LTBP2: variants seen among roughly 807,000 people sequenced by gnomAD.
LTBP2 encodes the protein latent transforming growth factor beta binding protein 2.
LTBP2 carries 103 observed loss-of-function variants against 210.6 expected under a neutral mutation model. The ratio of observed to expected loss-of-function variants is 0.49; its 90% CI spans 0.42 to 0.58. The LOEUF (loss-of-function observed/expected upper bound fraction) is 0.58, where lower values mean the gene tolerates loss of function less well. Among genes scored for constraint, LTBP2 ranks in the 20% least tolerant of loss-of-function variants. LTBP2 has a pLI of 0.00. For missense variants in LTBP2, 2,313 were observed against 2,494.5 expected, an observed-to-expected ratio of 0.93 and a Z score of 1.55; for synonymous variants, 1,007 against 1,015.0, an observed-to-expected ratio of 0.99 and a Z score of 0.15.
chr14:74,611,760 GC>G lies in LTBP2; in HGVS notation c.184del (p.Ala62GlnfsTer218), dbSNP rs1466877676. 1 of 1,608,126 alleles carries G rather than the reference GC, an allele frequency of 6.2e-7. No individual in the cohort carries two copies. Among genetic ancestry groups the G allele is most frequent in the Admixed American group, 1.7e-5 (1 of 59,950 alleles). The stretch of plus-strand genomic sequence containing the variant: ...ACTGTACACCTTGGCTGCAGCCGCT[GC>G]CGGGTAGCTGCCCCCAGGGCGCCGC... Reference protein sequence around the residue: ...RLRRPGGSYPAAAAAKVYSLF... With the variant: ...RLRRPGGSYPXAAAAKVYSLF... On this transcript the variant is annotated frameshift_variant, in exon 1 of 36. Transcript: ENST00000261978. LOFTEE classifies it high-confidence loss of function.
At chr14:74,504,729 A>G (rs2086959609) in intron 30 of LTBP2, 49 bp downstream of exon 30, 2 of 1,553,716 alleles carry the variant, frequency 1.3e-6, no homozygotes, top group African/African-American at 2.7e-5. Context: ...GGAGCAGGCT[A>G]GGGCCCACTC....
At chr14:74,571,747 G>A (rs910361548) in intron 3 of LTBP2, among the ~76,000 whole-genome samples, 11 of 152,162 alleles carry the variant, frequency 7.2e-5, no homozygotes, top group African/African-American at 2.7e-4. Flanking sequence ...CCTCTGCTGC[G>A]GGCACTCGCG....
chr14:74,525,927 A>C, intron 14 of LTBP2, 148 bp downstream of exon 14: 1 of 833,212 alleles, frequency 1.2e-6, no homozygotes, highest in Non-Finnish European at 2.0e-6. Context: ...GAGCTCCCAG[A>C]AACAGCACTC....
At chr14:74,604,584 C>T (rs1279912926) in intron 1 of LTBP2, among the ~76,000 whole-genome samples, 1 of 148,854 alleles carries the variant, frequency 6.7e-6, no homozygotes, top group Admixed American at 6.7e-5. Context: ...CTCACTATAT[C>T]GCCCAGGCTG....
rs1364023581 is a variant in LTBP2 at position 74,507,211 on chromosome 14, C to A, written c.3875G>T (p.Gly1292Val). The A allele has an allele frequency of 2.5e-6, 4 of 1,614,072 alleles. No individual in the cohort carries two copies. The highest frequency in any genetic ancestry group is 2.7e-5 in the African/African-American group (2 of 74,930). ...SYRCVLGCQP[G>V]FHMAPNGDCI... ...GTCTCCGTTCGGGGCCATGTGGAAG[C>A]CAGGCTGGCAGCCCAGAACACAGCG... is the stretch of plus-strand genomic sequence containing the variant. Residue 1292 changes from glycine to valine, a missense_variant, in exon 26 of 36, where the codon GGC (glycine) becomes GTC (valine). Gly to Val is a moderately radical substitution (Grantham distance 109, BLOSUM62 -3). Transcript: ENST00000261978.
rs528503209 is a variant in LTBP2 at position 74,514,861 on chromosome 14, G to A, written c.2908+1961C>T. On this transcript the variant is annotated intron_variant, in intron 18 of 35. Coordinates refer to ENST00000261978, the MANE Select transcript of LTBP2 (RefSeq NM_000428.3). ...GTGATGGGCCGGGCTTGTGGTTACC[G>A]ATGGAAACCTGGAGAAGTGTGCGGG... Among the ~76,000 whole-genome samples, 272 of 152,296 alleles carry A rather than the reference G, an allele frequency of 1.8e-3. No individual in the cohort carries two copies. In the Middle Eastern group the frequency reaches 0.02, roughly 11 times the overall value.
At chr14:74,562,011 AC>A (rs1390412678) in intron 3 of LTBP2, among the ~76,000 whole-genome samples, 1 of 152,156 alleles carries the variant, frequency 6.6e-6, no homozygotes, top group African/African-American at 2.4e-5. Context: ...GGAGTTTGAG[AC>A]CAGCCTGGCC....
Position 74,499,532 on chromosome 14 carries a change from C to G in LTBP2, c.*1352G>C, listed in dbSNP as rs1338196450. 3 of 229,310 alleles carry G rather than the reference C, an allele frequency of 1.3e-5. No individual in the cohort carries two copies. Among genetic ancestry groups the G allele is most frequent in the South Asian group, 1.8e-4 (1 of 5,498 alleles). The allele number at this position is 229,310 out of a possible 1,614,324, so 14.2% of individuals were successfully genotyped here. A position where few individuals can be genotyped will look rare whatever the true frequency, so the allele number is the denominator to read the frequency against. Reference sequence around the variant, plus strand: ...AGAAAGTAGCATTCACTTCCATGCTCCAGTCACATGGAGCCTTGTTCATTT... The same window carrying G: ...AGAAAGTAGCATTCACTTCCATGCTGCAGTCACATGGAGCCTTGTTCATTT... On this transcript the variant is annotated 3_prime_UTR_variant, in exon 36 of 36. Transcript: ENST00000261978.
intron 18 of LTBP2, among the ~76,000 whole-genome samples, chr14:74,514,981 C>T (rs529747978): frequency 1.3e-5 from 2 of 152,238 alleles, no homozygotes; most frequent in South Asian, 4.1e-4. Flanking sequence ...TAGAACCTTT[C>T]CTTGGGAAGG....
intron 34 of LTBP2, 98 bp downstream of exon 34, chr14:74,502,555 A>G: frequency 6.4e-7 from 1 of 1,553,320 alleles, no homozygotes; most frequent in East Asian, 2.2e-5. Flanking sequence ...TCCCCTTCCC[A>G]GTCCTCACCC....
chr14:74,540,655 C>T (rs1363385205), intron 8 of LTBP2, among the ~76,000 whole-genome samples: 1 of 147,036 alleles, frequency 6.8e-6, no homozygotes, highest in African/African-American at 2.5e-5. Context: ...GTTCCAGCTA[C>T]TTGGGAGGCT....
intron 3 of LTBP2, among the ~76,000 whole-genome samples, chr14:74,558,771 G>A (rs897050695): frequency 2.0e-5 from 3 of 152,092 alleles, no homozygotes; most frequent in Admixed American, 2.0e-4. Flanking sequence ...ATCCCTTAAG[G>A]GCCAGTTGGG....
chr14:74,608,167 G>A (rs554808646), intron 1 of LTBP2, among the ~76,000 whole-genome samples: 15 of 151,702 alleles, frequency 9.9e-5, no homozygotes, highest in East Asian at 1.9e-4. Context: ...TGATCCACCC[G>A]CCTCAGCCTC....
intron 18 of LTBP2, among the ~76,000 whole-genome samples, chr14:74,513,784 G>A (rs968536940): frequency 7.0e-6 from 1 of 143,576 alleles, no homozygotes; most frequent in African/African-American, 2.7e-5. Flanking sequence ...CAGCCTGGGT[G>A]ACAGAGCGAG....
chr14:74,595,892 T>C (rs114927849), intron 2 of LTBP2, among the ~76,000 whole-genome samples: 424 of 152,274 alleles, frequency 2.8e-3, no homozygotes, highest in African/African-American at 1.0e-2. Context: ...TGTCACTCAA[T>C]AGGTAAACAA....
intron 8 of LTBP2, among the ~76,000 whole-genome samples, chr14:74,547,118 G>A (rs1007630490): frequency 6.6e-6 from 1 of 152,232 alleles, no homozygotes; most frequent in African/African-American, 2.4e-5. Flanking sequence ...TGCTCCCACT[G>A]TCCCCTCCAA....
intron 21 of LTBP2, 121 bp from the exon 22 acceptor site, chr14:74,509,484 G>GA (rs2139696244): frequency 6.9e-7 from 1 of 1,441,660 alleles, no homozygotes; most frequent in East Asian, 2.3e-5. Context: ...CCCCTCCCTA[G>GA]AACGCTCCCA....
chr14:74,600,826 C>T (rs1284439533), intron 2 of LTBP2, among the ~76,000 whole-genome samples: 1 of 152,194 alleles, frequency 6.6e-6, no homozygotes, highest in Non-Finnish European at 1.5e-5. Flanking sequence ...GAAGGCCCTG[C>T]TACTCAAAGT....
At position 74,526,097 on chromosome 14, in the gene LTBP2, A is replaced by G. The variant is rs699374; in HGVS notation, c.2406T>C (p.Thr802=). ...SQAGQVTTSV[T]HAPAWVTGNA... ...CACCTGTGACCCAGGCAGGTGCATG[A>G]GTGACACTGGTCGTGACCTGCACAG... Residue 802 remains threonine, a synonymous_variant, in exon 14 of 36, where the codon ACT becomes ACC. Coordinates refer to ENST00000261978, the MANE Select transcript of LTBP2 (RefSeq NM_000428.3). 475,162 of 1,602,476 alleles carry G rather than the reference A, an allele frequency of 0.3. 73,196 individuals carry two copies. Among genetic ancestry groups the G allele is most frequent in the African/African-American group, 0.51 (37,792 of 74,694 alleles).
Sources: allele counts gnomAD v4.1 joint callset (sites outside exome capture counted in the v4.1 genomes callset), GRCh38; gene constraint gnomAD v4.1.1; transcripts MANE v1.5; gene names NCBI Gene and HGNC (gene_info 2026-07-23, HGNC 2026-07-21).